The following XPO7 variants were observed in gnomAD, a reference collection of about 807,000 sequenced individuals.
XPO7 encodes exportin 7.
Under a neutral mutation model 144.3 loss-of-function variants are expected in XPO7, and 21 were observed. The observed-to-expected ratio is 0.15, with a 90% CI of 0.10 to 0.21. XPO7 has a LOEUF of 0.21. XPO7 is among the 10% of genes least tolerant of loss of function. The pLI, the probability that XPO7 is intolerant of heterozygous loss-of-function variation, is 1.00. For missense variants in XPO7, 808 were observed against 1,325.8 expected (o/e 0.61, Z 6.06); for synonymous variants, 580 against 499.6 (o/e 1.16, Z -2.15).
At chr8:21,932,862 A>G (rs1335852077) in intron 1 of XPO7, among the ~76,000 whole-genome samples, 1 of 152,192 alleles carries the variant, frequency 6.6e-6, no homozygotes, top group East Asian at 1.9e-4. Context: ...AACATACAGA[A>G]TGGGAGCATT....
intron 19 of XPO7, among the ~76,000 whole-genome samples, chr8:21,993,915 G>GTCTCTCTCTCTC (rs146886015): frequency 3.8e-4 from 53 of 141,128 alleles, no homozygotes; most frequent in African/African-American, 1.4e-3. Flanking sequence ...TCTTTGCCGT[G>GTCTCTCTCTCTC]TCTCTCTCTC....
chr8:21,984,524 T>C, intron 11 of XPO7, 122 bp from the exon 12 acceptor site: 1 of 887,706 alleles, frequency 1.1e-6, no homozygotes, highest in Non-Finnish European at 1.7e-6. Flanking sequence ...AAAAGTAATG[T>C]CGGGATGTAG....
At chr8:21,961,852 G>C (rs189048690) in intron 1 of XPO7, among the ~76,000 whole-genome samples, 3 of 145,760 alleles carry the variant, frequency 2.1e-5, no homozygotes, top group African/African-American at 8.2e-5. Context: ...TAGTAGAGAC[G>C]GGGTTTCATC....
intron 1 of XPO7, among the ~76,000 whole-genome samples, chr8:21,947,167 G>C (rs565687756): frequency 3.8e-4 from 58 of 152,270 alleles, no homozygotes; most frequent in Middle Eastern, 6.8e-3. Flanking sequence ...CTAATGTTTA[G>C]GGCTATGGAG....
intron 8 of XPO7, among the ~76,000 whole-genome samples, chr8:21,979,767 TC>T (rs1211336269): frequency 6.6e-6 from 1 of 152,148 alleles, no homozygotes; most frequent in Admixed American, 6.5e-5. Context: ...CATGTCAAAC[TC>T]AGATTAGCCA....
chr8:21,943,493 T>C (rs559071224), intron 1 of XPO7, among the ~76,000 whole-genome samples: 1 of 152,238 alleles, frequency 6.6e-6, no homozygotes, highest in Non-Finnish European at 1.5e-5. Flanking sequence ...CACAAGTGTT[T>C]CTTGCCATAA....
At chr8:21,997,308 A>G (rs1299413027) in intron 21 of XPO7, among the ~76,000 whole-genome samples, 2 of 152,214 alleles carry the variant, frequency 1.3e-5, no homozygotes, top group African/African-American at 4.8e-5. Context: ...GAAGACACAC[A>G]ATAAAAACAA....
chr8:21,987,725 T>C (rs1812627272), intron 14 of XPO7, 59 bp from the exon 15 acceptor site: 2 of 1,582,940 alleles, frequency 1.3e-6, no homozygotes, highest in Non-Finnish European at 1.7e-6. Flanking sequence ...ACAAAAATAG[T>C]ACCAGGATGT....
chr8:21,962,848 A>T (rs1811768880), intron 1 of XPO7, among the ~76,000 whole-genome samples: 1 of 152,168 alleles, frequency 6.6e-6, no homozygotes, highest in South Asian at 2.1e-4. Flanking sequence ...ATAATTGGAT[A>T]CTCACTTATT....
chr8:21,994,413 C>T lies in XPO7; in HGVS notation c.2199C>T (p.Phe733=). The change falls in exon 20 of 28, where the codon TTC becomes TTT. Residue 733 remains phenylalanine (F), a synonymous_variant. Coordinates refer to ENST00000252512, the MANE Select transcript of XPO7 (RefSeq NM_015024.5). The part of the protein sequence containing the change: ...VRDLRGIAFA[F]NAKTSFMMLF... ...ACCTGAGAGGGATCGCTTTCGCTTTCAATGCCAAGACCAGCTTCATGATGC... is the reference window on the plus strand; with the variant it reads ...ACCTGAGAGGGATCGCTTTCGCTTTTAATGCCAAGACCAGCTTCATGATGC... The T allele has an allele frequency of 6.2e-7, 1 of 1,612,482 alleles. No individual in the cohort carries two copies. The highest frequency in any genetic ancestry group is 8.5e-7 in the Non-Finnish European group (1 of 1,178,814).
chr8:21,962,344 G>A (rs1285735067), intron 1 of XPO7, among the ~76,000 whole-genome samples: 4 of 151,992 alleles, frequency 2.6e-5, no homozygotes, highest in East Asian at 1.9e-4. Context: ...ACCAGCACTG[G>A]TAAGAAAAAA....
At chr8:21,993,301 T>C (rs2117387233) in intron 19 of XPO7, among the ~76,000 whole-genome samples, 1 of 152,320 alleles carries the variant, frequency 6.6e-6, no homozygotes, top group East Asian at 1.9e-4. Context: ...CCCACTTCTT[T>C]GTCATGTCCC....
chr8:21,948,033 A>G (rs1811248713), intron 1 of XPO7, among the ~76,000 whole-genome samples: 1 of 152,238 alleles, frequency 6.6e-6, no homozygotes, highest in Admixed American at 6.5e-5. Flanking sequence ...TTCTCATTGA[A>G]GAGTAATGAG....
intron 1 of XPO7, among the ~76,000 whole-genome samples, chr8:21,938,322 T>C (rs1026099710): frequency 2.6e-5 from 4 of 152,230 alleles, no homozygotes; most frequent in Admixed American, 1.3e-4. Flanking sequence ...TTGAAAGTTA[T>C]GGAATTCATT....
intron 1 of XPO7, among the ~76,000 whole-genome samples, chr8:21,926,185 C>T (rs2117238732): frequency 6.6e-6 from 1 of 152,002 alleles, no homozygotes; most frequent in African/African-American, 2.4e-5. Context: ...CTCTGGAAAA[C>T]AATGTTCCTC....
intron 21 of XPO7, among the ~76,000 whole-genome samples, chr8:21,998,108 G>A (rs1813012485): frequency 6.6e-6 from 1 of 152,214 alleles, no homozygotes; most frequent in Non-Finnish European, 1.5e-5. Flanking sequence ...AATGGCTGAA[G>A]GGCTCTGCAT....
At chr8:21,944,692 GGAAGGTCAGCAGATAAACATGT>G (rs1162912042) in intron 1 of XPO7, among the ~76,000 whole-genome samples, 1 of 152,112 alleles carries the variant, frequency 6.6e-6, no homozygotes, top group Non-Finnish European at 1.5e-5. Flanking sequence ...AATAATGGAA[GGAAGGTCAGCAGATAAACATGT>G]GAACAAAGGT....
chr8:21,928,325 T>G (rs983425109), intron 1 of XPO7, among the ~76,000 whole-genome samples: 4 of 152,248 alleles, frequency 2.6e-5, no homozygotes, highest in African/African-American at 9.6e-5. Flanking sequence ...ATTGGATGTA[T>G]CCATTCACTC....
At chr8:21,944,453 G>A (rs1027395744) in intron 1 of XPO7, among the ~76,000 whole-genome samples, 5 of 152,096 alleles carry the variant, frequency 3.3e-5, no homozygotes, top group African/African-American at 9.7e-5. Flanking sequence ...TGTAATCCCA[G>A]CTACTCGGGA....
Sources: gnomAD v4.1 joint callset for allele counts (sites outside exome capture counted in the v4.1 genomes callset) on GRCh38, gnomAD v4.1.1 for gene constraint, MANE v1.5 for transcripts, NCBI Gene and HGNC (gene_info 2026-07-23, HGNC 2026-07-21) for gene names.